The following CCNI variants were observed in gnomAD, a reference collection of about 807,000 sequenced individuals.
The protein encoded by CCNI is cyclin-I.
Under a neutral mutation model 34.1 loss-of-function variants are expected in CCNI, and 14 were observed. That is an observed-to-expected ratio of 0.41 (90% CI 0.27 to 0.64). CCNI has a LOEUF of 0.64. Among genes scored for constraint, CCNI ranks in the 30% least tolerant of loss-of-function variants. The pLI is 0.31. For synonymous variants in CCNI, 154 were observed against 158.4 expected (o/e 0.97, Z 0.21); for missense variants, 385 against 440.5 (o/e 0.87, Z 1.13).
At chr4:77,052,760 G>A (rs775587390) in intron 6 of CCNI, among the ~76,000 whole-genome samples, 4 of 152,066 alleles carry the variant, frequency 2.6e-5, no homozygotes, top group Admixed American at 6.6e-5. Context: ...CTTGTCACAC[G>A]TCTAAACACA....
At chr4:77,052,816 C>A (rs1202845132) in intron 6 of CCNI, among the ~76,000 whole-genome samples, 1 of 152,104 alleles carries the variant, frequency 6.6e-6, no homozygotes, top group Non-Finnish European at 1.5e-5. Context: ...GCAAACTTAG[C>A]AAAAACAGAA....
intron 1 of CCNI, among the ~76,000 whole-genome samples, chr4:77,067,233 AAAAC>A (rs1729097914): frequency 6.6e-6 from 1 of 150,602 alleles, no homozygotes. Flanking sequence ...CTCCGTCTCA[AAAAC>A]AAACAAACCA....
intron 1 of CCNI, among the ~76,000 whole-genome samples, chr4:77,067,115 C>T (rs1578252373): frequency 6.6e-6 from 1 of 152,074 alleles, no homozygotes; most frequent in South Asian, 2.1e-4. Context: ...GCCTGTAATC[C>T]CAGCTACTCG....
intron 6 of CCNI, among the ~76,000 whole-genome samples, chr4:77,050,381 C>T (rs778174731): frequency 1.1e-4 from 17 of 152,080 alleles, no homozygotes; most frequent in Admixed American, 7.9e-4. Flanking sequence ...GGGAAAATAA[C>T]GCACTCTACA....
At chr4:77,061,826 C>T (rs917651778) in intron 2 of CCNI, among the ~76,000 whole-genome samples, 1 of 152,156 alleles carries the variant, frequency 6.6e-6, no homozygotes, top group East Asian at 1.9e-4. Flanking sequence ...CCCGCCACCA[C>T]ACCCAGCTAA....
rs4252874 is a variant in CCNI, at chr4:77,058,435, C to A, written c.243+72G>T. The A allele has an allele frequency of 3.5e-3, 4,201 of 1,207,048 alleles. 102 individuals carry two copies. The African/African-American group carries it at 0.053, about 15-fold the overall frequency. The allele number at this position is 1,207,048 out of a possible 1,614,324, so 74.8% of individuals were successfully genotyped here. On this transcript the variant is annotated intron_variant, in intron 3 of 6. Transcript: ENST00000237654. ...ACTTCTTTCTACCTTACAGAATGTT[C>A]ACTAATAGCCTCTAGTTTAGCATAC...
rs773270425 is a variant in CCNI at position 77,056,039 on chromosome 4, A to G, written c.382T>C (p.Leu128=). 2 of 1,613,714 alleles carry G rather than the reference A, an allele frequency of 1.2e-6. No individual in the cohort carries two copies. The highest frequency in any genetic ancestry group is 3.3e-5 in the Admixed American group (2 of 60,016). The change falls in exon 5 of 7, where the codon TTG becomes CTG. Residue 128 remains leucine (L), a synonymous_variant. Transcript: ENST00000237654. ...TCCAGAATAATTCTCTCCATTCTCA[A>G]AATTTCAGATGAGGAACATCCACAG... is the stretch of plus-strand genomic sequence containing the variant. ...SFCGCSSSEI[L]RMERIILDKL...
Position 77,055,391 on chromosome 4 carries a change from C to A in CCNI, c.460-11G>T, listed in dbSNP as rs761900452. ...TGCAATGGCATGGAACTGAAAATCACAAGAACATCATTTTAACTTTATTTA... is the reference window on the plus strand; with the variant it reads ...TGCAATGGCATGGAACTGAAAATCAAAAGAACATCATTTTAACTTTATTTA... On this transcript the variant is annotated splice_polypyrimidine_tract_variant and intron_variant, in intron 5 of 6. Coordinates refer to ENST00000237654, the MANE Select transcript of CCNI (RefSeq NM_006835.3). 6.5e-7 allele frequency: 1 copy of A among 1,527,410 alleles called. No homozygotes were observed. Among genetic ancestry groups the A allele is most frequent in the South Asian group, 1.1e-5 (1 of 88,726 alleles). The allele number at this position is 1,527,410 out of a possible 1,614,324, so 94.6% of individuals were successfully genotyped here.
chr4:77,063,427 G>A (rs909825525), intron 2 of CCNI, among the ~76,000 whole-genome samples: 1 of 151,466 alleles, frequency 6.6e-6, no homozygotes, highest in African/African-American at 2.4e-5. Context: ...TGCTGGGTGC[G>A]GTGGCTCATG....
chr4:77,054,348 A>T (rs896661945), intron 6 of CCNI, among the ~76,000 whole-genome samples: 20 of 152,226 alleles, frequency 1.3e-4, no homozygotes, highest in Non-Finnish European at 2.4e-4. Context: ...AAATCAGAAT[A>T]ACTACTGTTA....
intron 1 of CCNI, among the ~76,000 whole-genome samples, chr4:77,070,433 C>T (rs1450244862): frequency 6.6e-6 from 1 of 151,094 alleles, no homozygotes; most frequent in East Asian, 1.9e-4. Context: ...AGTTCTACCC[C>T]TACCTGCCCC....
intron 1 of CCNI, among the ~76,000 whole-genome samples, chr4:77,070,325 CT>C (rs368351303): frequency 1.2e-3 from 178 of 144,128 alleles, no homozygotes; most frequent in Middle Eastern, 7.4e-3. Flanking sequence ...CCCTCATTAG[CT>C]TTTTTTTTTT....
At position 77,047,514 on chromosome 4, in the gene CCNI, T is replaced by C. The variant is rs1193325211; in HGVS notation, c.*705A>G. 2 of 152,196 alleles carry C rather than the reference T, an allele frequency of 1.3e-5. No individual in the cohort carries two copies. The highest frequency in any genetic ancestry group is 6.5e-5 in the Admixed American group (1 of 15,278). 9.4% of individuals were successfully genotyped at this position (152,196 alleles called of 1,614,324 possible). A position where few individuals can be genotyped will look rare whatever the true frequency, so the allele number is the denominator to read the frequency against. ...GATATATTTATCACAAATTCTTTTA[T>C]ACAAATGTCGAAAATGCTTTCAACA... On this transcript the variant is annotated 3_prime_UTR_variant, in exon 7 of 7. Coordinates refer to ENST00000237654, the MANE Select transcript of CCNI (RefSeq NM_006835.3).
In CCNI at chr4:77,055,292, T is replaced by G; in HGVS notation, c.548A>C (p.Lys183Thr). The G allele has an allele frequency of 6.2e-7, 1 of 1,614,130 alleles. No individual in the cohort carries two copies. Among genetic ancestry groups the G allele is most frequent in the Non-Finnish European group, 8.5e-7 (1 of 1,180,008 alleles). The change falls in exon 6 of 7, where the codon AAG becomes ACG. Residue 183 changes from lysine (K) to threonine (T), a missense_variant. Physicochemically the swap from Lys to Thr is moderately conservative, Grantham distance 78. Coordinates refer to ENST00000237654, the MANE Select transcript of CCNI (RefSeq NM_006835.3). Reference protein sequence around the residue: ...SPSQHLAVLTKQLLHCMACNQ... With the variant: ...SPSQHLAVLTTQLLHCMACNQ... ...GCAGGCCATACAGTGAAGTAGTTGC[T>G]TGGTAAGGACTGCCAAATGTTGAGA...
At chr4:77,062,480 A>G (rs1199674417) in intron 2 of CCNI, among the ~76,000 whole-genome samples, 6 of 151,944 alleles carry the variant, frequency 3.9e-5, no homozygotes, top group Non-Finnish European at 7.4e-5. Context: ...GGATCACTTG[A>G]GCCTGGGAAA....
chr4:77,053,487 G>C (rs1017254666), intron 6 of CCNI, among the ~76,000 whole-genome samples: 2 of 152,164 alleles, frequency 1.3e-5, no homozygotes, highest in South Asian at 4.1e-4. Context: ...TCTAGCACCA[G>C]AAAACTTACA....
chr4:77,062,605 T>C (rs1728689272), intron 2 of CCNI, among the ~76,000 whole-genome samples: 2 of 151,822 alleles, frequency 1.3e-5, no homozygotes, highest in Admixed American at 1.3e-4. Context: ...TTTGATGAAG[T>C]AGGAAGCAGC....
intron 1 of CCNI, 120 bp downstream of exon 1, chr4:77,075,352 G>A (rs1409182524): frequency 4.6e-6 from 1 of 216,824 alleles, no homozygotes; most frequent in Non-Finnish European, 7.8e-6. Context: ...GGTCTCCGGC[G>A]AGCAGCGCGC....
intron 2 of CCNI, chr4:77,064,575 G>GCACA (rs35336120): frequency 4.1e-5 from 3 of 74,034 alleles, no homozygotes; most frequent in African/African-American, 1.3e-4. Flanking sequence ...AATCACACAT[G>GCACA]CGCGCGCGCG....
Sources: gnomAD v4.1 joint callset for allele counts (sites outside exome capture counted in the v4.1 genomes callset) on GRCh38, gnomAD v4.1.1 for gene constraint, MANE v1.5 for transcripts, NCBI Gene and HGNC (gene_info 2026-07-23, HGNC 2026-07-21) for gene names.